Variants in ARHGEF3 observed in about 807,000 individuals in gnomAD.
The protein encoded by ARHGEF3 is 59.8 kDA protein.
Under a neutral mutation model 63.2 loss-of-function variants are expected in ARHGEF3, and 28 were observed. The observed-to-expected ratio is 0.44, with a 90% CI of 0.33 to 0.61. ARHGEF3 has a LOEUF of 0.61. Ranked by LOEUF, ARHGEF3 falls within the 20% of genes least tolerant of loss-of-function variation. The pLI is 0.03. For missense variants in ARHGEF3, 533 were observed against 659.3 expected, an observed-to-expected ratio of 0.81 and a Z score of 2.10; for synonymous variants, 266 against 254.2, an observed-to-expected ratio of 1.05 and a Z score of -0.44.
rs116058344 is a variant in ARHGEF3 at position 56,880,061 on chromosome 3, C to G, written c.192+2231G>C. ...GCGGAATCTGCAGAACAGCAGTTTT[C>G]ATGTTCCTCCAACAGCTTCTAGAAT... On this transcript the variant is annotated intron_variant, in intron 4 of 12. Coordinates refer to the ARHGEF3 transcript ENST00000338458. Among the ~76,000 whole-genome samples the G allele has an allele frequency of 2.8e-3, 423 of 152,330 alleles. 2 individuals carry two copies. Among genetic ancestry groups the G allele is most frequent in the African/African-American group, 9.8e-3 (408 of 41,574 alleles).
chr3:56,966,624 C>T (rs1700506026), intron 2 of ARHGEF3, among the ~76,000 whole-genome samples: 1 of 152,050 alleles, frequency 6.6e-6, no homozygotes, highest in South Asian at 2.1e-4. Context: ...CATGGAGTGA[C>T]ATGATGAGAT....
intron 3 of ARHGEF3, among the ~76,000 whole-genome samples, chr3:56,952,049 T>C (rs1699836979): frequency 6.6e-6 from 1 of 151,926 alleles, no homozygotes; most frequent in Non-Finnish European, 1.5e-5. Context: ...TTGGGTGCAA[T>C]CAGAACCTAG....
intron 3 of ARHGEF3, among the ~76,000 whole-genome samples, chr3:56,920,950 G>A (rs1432381681): frequency 6.6e-6 from 1 of 151,014 alleles, no homozygotes; most frequent in African/African-American, 2.4e-5. Flanking sequence ...AGCTACTCAG[G>A]AGGCTGAGGC....
At chr3:56,998,936 T>C (rs923855378) in intron 2 of ARHGEF3, among the ~76,000 whole-genome samples, 10 of 152,222 alleles carry the variant, frequency 6.6e-5, no homozygotes, top group East Asian at 1.9e-4. Flanking sequence ...AAGAACCCCA[T>C]TGAACTTTAT....
At chr3:56,790,112 G>A (rs2037007201) in intron 1 of ARHGEF3, among the ~76,000 whole-genome samples, 3 of 152,154 alleles carry the variant, frequency 2.0e-5, no homozygotes, top group African/African-American at 4.8e-5. Context: ...CCTGTCCCCA[G>A]CTACTTGGGA....
At chr3:56,800,538 G>C (rs1424658623) in intron 1 of ARHGEF3, among the ~76,000 whole-genome samples, 1 of 152,224 alleles carries the variant, frequency 6.6e-6, no homozygotes, top group Non-Finnish European at 1.5e-5. Flanking sequence ...TTGGAGTCCT[G>C]TCAGCCTGGA....
At position 57,025,746 on chromosome 3, in the gene ARHGEF3, CA is replaced by C. The variant is rs954495893; in HGVS notation, c.62+9341del. 2.0e-5 allele frequency among the ~76,000 whole-genome samples: 3 copies of C among 152,244 alleles called. 1 individual carries two copies. Among genetic ancestry groups the C allele is most frequent in the Admixed American group, 6.5e-5 (1 of 15,290 alleles). On this transcript the variant is annotated intron_variant, in intron 2 of 12. Coordinates refer to the ARHGEF3 transcript ENST00000338458. ...ACCTATGCCAGACTGCAAAGTCCTC[CA>C]GGGCACGGACTCTATTAGATTGTAA...
chr3:56,855,718 C>T (rs1349575816), intron 4 of ARHGEF3, among the ~76,000 whole-genome samples: 1 of 151,864 alleles, frequency 6.6e-6, no homozygotes, highest in Non-Finnish European at 1.5e-5. Flanking sequence ...CCTGTCTTCC[C>T]TCCTTCTCCA....
At chr3:56,990,376 G>A (rs1452314333) in intron 2 of ARHGEF3, among the ~76,000 whole-genome samples, 2 of 152,268 alleles carry the variant, frequency 1.3e-5, no homozygotes, top group African/African-American at 2.4e-5. Context: ...TTGAGGTCAA[G>A]AGTTCGAGAC....
intron 4 of ARHGEF3, among the ~76,000 whole-genome samples, chr3:56,865,413 C>G (rs2040211508): frequency 6.6e-6 from 1 of 152,190 alleles, no homozygotes. Context: ...ATGAAACCTT[C>G]TTTTCTATGT....
At position 56,812,978 on chromosome 3, in the gene ARHGEF3, A is replaced by G. The variant is rs1432615100; in HGVS notation, c.193-39162T>C. ...AGGTAAGAGAGAATTAAAATTGTAA[A>G]GCCAACATCATGTGGATTCCTCCTT... On this transcript the variant is annotated intron_variant, in intron 4 of 12. Coordinates refer to the ARHGEF3 transcript ENST00000338458. Among the ~76,000 whole-genome samples, 3 of 152,230 alleles carry G rather than the reference A, an allele frequency of 2.0e-5. No homozygotes were observed. The East Asian group carries it at 5.8e-4, about 29-fold the overall frequency.
intron 1 of ARHGEF3, among the ~76,000 whole-genome samples, chr3:56,793,321 C>T (rs937669737): frequency 6.6e-6 from 1 of 152,216 alleles, no homozygotes; most frequent in African/African-American, 2.4e-5. Context: ...AGGTGCCCGC[C>T]ACCGCGCCCG....
At chr3:57,045,552 T>C (rs149614194) in intron 1 of ARHGEF3, among the ~76,000 whole-genome samples, 1 of 152,274 alleles carries the variant, frequency 6.6e-6, no homozygotes, top group Non-Finnish European at 1.5e-5. Context: ...GCAATGGCAA[T>C]AGAGGCCTTT....
intron 4 of ARHGEF3, among the ~76,000 whole-genome samples, chr3:56,857,791 G>T (rs2039936255): frequency 6.6e-6 from 1 of 152,106 alleles, no homozygotes. Flanking sequence ...GCCCAGGCTG[G>T]AGTGCAGTGG....
intron 2 of ARHGEF3, among the ~76,000 whole-genome samples, chr3:57,010,912 T>C (rs78734221): frequency 6.6e-6 from 1 of 152,098 alleles, no homozygotes; most frequent in African/African-American, 2.4e-5. Flanking sequence ...AAAGAAAGAT[T>C]AAAAGCAGCA....
At chr3:56,795,977 TA>T (rs10707991) in intron 1 of ARHGEF3, among the ~76,000 whole-genome samples, 48,774 of 143,524 alleles carry the variant, frequency 0.34, 8,925 homozygotes, top group African/African-American at 0.5. Context: ...GTCAACTAAT[TA>T]AAAAAAAAAA....
chr3:56,863,982 C>G (rs2040163364), intron 4 of ARHGEF3, among the ~76,000 whole-genome samples: 1 of 152,148 alleles, frequency 6.6e-6, no homozygotes, highest in Admixed American at 6.6e-5. Flanking sequence ...CACTCAAGAC[C>G]AGGCAGTAAA....
intron 2 of ARHGEF3, among the ~76,000 whole-genome samples, chr3:56,772,137 T>A (rs1295848609): frequency 6.6e-6 from 1 of 152,182 alleles, no homozygotes; most frequent in Non-Finnish European, 1.5e-5. Context: ...TAACCAGGGA[T>A]CCAGCGGCCC....
At chr3:57,078,239 C>T (rs1341014842) in intron 1 of ARHGEF3, among the ~76,000 whole-genome samples, 1 of 152,228 alleles carries the variant, frequency 6.6e-6, no homozygotes, top group African/African-American at 2.4e-5. Flanking sequence ...CCCTTCTCCA[C>T]ACCCCAGGGA....
Sources: allele counts gnomAD v4.1 joint callset (sites outside exome capture counted in the v4.1 genomes callset), GRCh38; gene constraint gnomAD v4.1.1; transcripts MANE v1.5; gene names NCBI Gene and HGNC (gene_info 2026-07-23, HGNC 2026-07-21).